Variants in SLC9A7 observed in about 807,000 individuals in gnomAD.
The protein encoded by SLC9A7 is sodium/hydrogen exchanger 7.
In SLC9A7, 19 loss-of-function variants were observed where a neutral mutation model predicts 52.6. The ratio of observed to expected loss-of-function variants is 0.36; its 90% CI spans 0.25 to 0.53. The LOEUF (loss-of-function observed/expected upper bound fraction) is 0.53. Among genes scored for constraint, SLC9A7 ranks in the 20% least tolerant of loss-of-function variants. The pLI is 0.91. For missense variants in SLC9A7, 455 were observed against 597.9 expected (o/e 0.76, Z 2.49); for synonymous variants, 226 against 252.1 (o/e 0.90, Z 0.98).
intron 16 of SLC9A7, among the ~76,000 whole-genome samples, chrX:46,608,083 G>A (rs767609364): frequency 1.2e-4 from 14 of 112,318 alleles, no homozygotes; most frequent in African/African-American, 3.6e-4. Context: ...CCAGGGCGCC[G>A]AACTGGCCTC....
At chrX:46,678,239 T>A (rs1944150526) in intron 3 of SLC9A7, among the ~76,000 whole-genome samples, 1 of 110,368 alleles carries the variant, frequency 9.1e-6, no homozygotes, top group Non-Finnish European at 1.9e-5. Flanking sequence ...GCAAAATCTC[T>A]CTTCTCTAGA....
chrX:46,619,262 G>T (rs1377926491), intron 15 of SLC9A7, among the ~76,000 whole-genome samples: 1 of 111,957 alleles, frequency 8.9e-6, no homozygotes, highest in African/African-American at 3.2e-5. Context: ...AACACCAAAT[G>T]TTGGTAGGAT....
chrX:46,645,749 A>G (rs2146763749), intron 11 of SLC9A7, among the ~76,000 whole-genome samples: 1 of 110,650 alleles, frequency 9.0e-6, no homozygotes, highest in African/African-American at 3.3e-5. Context: ...TGATTCAGAA[A>G]ACAGGCAGTG....
rs899728647 is a variant in SLC9A7 at position 46,725,621 on chromosome X, C to T, written c.325+33084G>A. 13 of 1,110,238 alleles carry T rather than the reference C, an allele frequency of 1.2e-5. No homozygotes were observed. The African/African-American group carries it at 1.4e-4, about 12-fold the overall frequency. 91.5% of individuals were successfully genotyped at this position (1,110,238 alleles called of 1,213,427 possible). A position where few individuals can be genotyped will look rare whatever the true frequency, so the allele number is the denominator to read the frequency against. On this transcript the variant is annotated intron_variant, in intron 1 of 16. Transcript: ENST00000616978. The stretch of plus-strand genomic sequence containing the variant: ...ACATCCACTTTTGCTTTAAAACTCA[C>T]GAGGCTTTCTGCTTAACCATACTCT...
At chrX:46,675,565 C>T (rs763508379) in intron 3 of SLC9A7, among the ~76,000 whole-genome samples, 34 of 112,352 alleles carry the variant, frequency 3.0e-4, no homozygotes, top group Admixed American at 1.9e-4. Context: ...ATGCTGGGCA[C>T]TTTAGGCCTC....
At chrX:46,719,769 T>C (rs1206954330) in intron 1 of SLC9A7, among the ~76,000 whole-genome samples, 4 of 111,225 alleles carry the variant, frequency 3.6e-5, no homozygotes, top group African/African-American at 6.5e-5. Context: ...CGAAGGTCAA[T>C]AGCCTTAATA....
At chrX:46,740,208 G>A (rs1021352032) in intron 1 of SLC9A7, among the ~76,000 whole-genome samples, 3 of 111,439 alleles carry the variant, frequency 2.7e-5, no homozygotes, top group East Asian at 2.8e-4. Flanking sequence ...ATCAAAACAC[G>A]TTTATAAAAT....
intron 1 of SLC9A7, among the ~76,000 whole-genome samples, chrX:46,700,170 A>C (rs1569520375): frequency 1.8e-5 from 2 of 111,445 alleles, no homozygotes; most frequent in Admixed American, 9.5e-5. Context: ...TGCCTGGGTT[A>C]GGTCCAAGGC....
At chrX:46,676,124 A>G (rs1472443179) in intron 3 of SLC9A7, among the ~76,000 whole-genome samples, 3 of 111,444 alleles carry the variant, frequency 2.7e-5, no homozygotes, top group Non-Finnish European at 5.7e-5. Context: ...TAGCAATGTA[A>G]TGAAACTCAA....
At chrX:46,750,797 T>C (rs1922178964) in intron 1 of SLC9A7, among the ~76,000 whole-genome samples, 1 of 112,555 alleles carries the variant, frequency 8.9e-6, no homozygotes, top group South Asian at 3.7e-4. Context: ...GTGAATGTTT[T>C]TGAAGGGTGA....
chrX:46,708,522 T>A (rs1386204627), intron 1 of SLC9A7, among the ~76,000 whole-genome samples: 1 of 107,028 alleles, frequency 9.3e-6, no homozygotes, highest in Non-Finnish European at 1.9e-5. Flanking sequence ...AGAGTGAGAC[T>A]CCGTCTCAAA....
chrX:46,731,294 C>CT (rs893611688), intron 1 of SLC9A7, among the ~76,000 whole-genome samples: 30 of 106,393 alleles, frequency 2.8e-4, no homozygotes, highest in African/African-American at 9.6e-4. Flanking sequence ...GTCCAGGCAT[C>CT]TTAAAAAAAA....
chrX:46,672,763 C>T (rs1325392639), intron 3 of SLC9A7, 136 bp from the exon 4 acceptor site: 11 of 461,353 alleles, frequency 2.4e-5, no homozygotes, highest in Non-Finnish European at 3.7e-5. Context: ...ACTGAAGTTA[C>T]TCCTATATGG....
Position 46,602,083 on chromosome X carries a change from C to G in SLC9A7, c.*4869G>C, listed in dbSNP as rs1460936872. On this transcript the variant is annotated 3_prime_UTR_variant, in exon 17 of 17. Coordinates refer to ENST00000616978, the MANE Select transcript of SLC9A7 (RefSeq NM_001257291.2). ...AAAAAACAAAACAGCTTCCCAGAAA[C>G]CTTCATGCTTGATTAGTTAGCAGCT... The G allele has an allele frequency of 9.0e-6, 1 of 110,741 alleles. No homozygotes were observed. Among genetic ancestry groups the G allele is most frequent in the African/African-American group, 3.3e-5 (1 of 30,407 alleles). The allele number at this position is 110,741 out of a possible 1,213,427, so 9.1% of individuals were successfully genotyped here.
intron 11 of SLC9A7, among the ~76,000 whole-genome samples, chrX:46,645,978 T>C (rs895699524): frequency 4.4e-5 from 5 of 112,753 alleles, no homozygotes; most frequent in African/African-American, 1.6e-4. Context: ...ATTATTTATA[T>C]ACTTTTTTTT....
At chrX:46,724,645 C>T (rs1192746154) in intron 1 of SLC9A7, among the ~76,000 whole-genome samples, 1 of 111,407 alleles carries the variant, frequency 9.0e-6, no homozygotes, top group Non-Finnish European at 1.9e-5. Flanking sequence ...GTGATAACTC[C>T]ATTCCAATAT....
At chrX:46,654,777 C>T (rs758191315) in intron 7 of SLC9A7, among the ~76,000 whole-genome samples, 1 of 111,078 alleles carries the variant, frequency 9.0e-6, no homozygotes, top group Non-Finnish European at 1.9e-5. Context: ...ATTCAACACA[C>T]GGCCAGCATA....
Position 46,682,485 on chromosome X carries a change from G to A in SLC9A7, c.376C>T (p.Arg126Cys), listed in dbSNP as rs771899348. 5 of 1,209,211 alleles carry A rather than the reference G, an allele frequency of 4.1e-6. No homozygotes were observed. The highest frequency in any genetic ancestry group is 3.0e-5 in the East Asian group (1 of 33,769). Residue 126 changes from arginine (R) to cysteine (C), a missense_variant, in exon 2 of 17, where the codon CGT (arginine) becomes TGT (cysteine). By Grantham distance (180) the Arg-to-Cys change is radical. This residue lies in a region of SLC9A7 where 304 missense variants were observed against 417.8 expected (regional missense o/e 0.73). Coordinates refer to ENST00000616978, the MANE Select transcript of SLC9A7 (RefSeq NM_001257291.2). ...TGAGTGCAGCTGAGTGATTTGTCAC[G>A]GCCACTGGTAGCAGGGGTACCATAC... The part of the protein sequence containing the change: ...LRYGTPATSG[R>C]DKSLSCTQED...
rs1449732661 is a variant in SLC9A7 at position 46,654,957 on chromosome X, T to A, written c.1042-1243A>T. Among the ~76,000 whole-genome samples the A allele has an allele frequency of 2.9e-5, 3 of 103,711 alleles. No individual in the cohort carries two copies. The Admixed American group carries it at 3.2e-4, about 11-fold the overall frequency. The allele number at this position is 103,711 out of a possible 115,157, so 90.1% of individuals were successfully genotyped here. The stretch of plus-strand genomic sequence containing the variant: ...GTAAGAGCAACACACACACTGTATT[T>A]CTTTTTTTCTTTCTTTCTTTCTTTC... On this transcript the variant is annotated intron_variant, in intron 7 of 16. Transcript: ENST00000616978.
Sources: allele counts gnomAD v4.1 joint callset (sites outside exome capture counted in the v4.1 genomes callset), GRCh38; gene constraint gnomAD v4.1.1; regional missense constraint gnomAD v4.1.1; transcripts MANE v1.5; gene names NCBI Gene and HGNC (gene_info 2026-07-23, HGNC 2026-07-21).